Variants in DMC1 observed in about 807,000 individuals in gnomAD.
DMC1 encodes DNA meiotic recombinase 1, also known as meiotic recombination protein DMC1 homolog.
In DMC1, 27 loss-of-function variants were observed where a neutral mutation model predicts 50.1. The observed-to-expected ratio is 0.54, with a 90% CI of 0.40 to 0.74. The LOEUF is 0.74. Ranked by LOEUF, DMC1 falls within the 30% of genes least tolerant of loss-of-function variation. The probability of loss-of-function intolerance (pLI) is 0.00; values close to 1 mark genes in which losing one functional copy is unlikely to be tolerated. For synonymous variants in DMC1, 148 were observed against 136.1 expected, an observed-to-expected ratio of 1.09 and a Z score of -0.61; for missense variants, 295 against 420.2, an observed-to-expected ratio of 0.70 and a Z score of 2.60.
intron 3 of DMC1, 60 bp downstream of exon 3, chr22:38,567,523 A>C (rs1394035949): frequency 7.4e-7 from 1 of 1,353,714 alleles, no homozygotes; most frequent in African/African-American, 1.4e-5. Context: ...AATGTCCATA[A>C]GGTTGATGCT....
At chr22:38,550,978 A>G (rs1173295811) in intron 7 of DMC1, among the ~76,000 whole-genome samples, 1 of 150,986 alleles carries the variant, frequency 6.6e-6, no homozygotes, top group Non-Finnish European at 1.5e-5. Flanking sequence ...AAGAAAAAAG[A>G]AAAAAAAGAA....
At chr22:38,532,601 G>A (rs1855920554) in intron 12 of DMC1, among the ~76,000 whole-genome samples, 1 of 150,952 alleles carries the variant, frequency 6.6e-6, no homozygotes, top group African/African-American at 2.4e-5. Flanking sequence ...TTACAGGAGT[G>A]AGCCACCACA....
chr22:38,517,164 A>G (rs567155961), downstream of DMC1, among the ~76,000 whole-genome samples: 4 of 152,324 alleles, frequency 2.6e-5, no homozygotes, highest in East Asian at 7.7e-4. Context: ...ATGGCTGTAG[A>G]TTAGTTAGTT....
At chr22:38,567,680 T>C in intron 2 of DMC1, 53 bp from the exon 3 acceptor site, 1 of 1,332,588 alleles carries the variant, frequency 7.5e-7, no homozygotes, top group Non-Finnish European at 1.1e-6. Flanking sequence ...TATCCAGCTA[T>C]TTCACATCTT....
At chr22:38,552,847 G>A in intron 6 of DMC1, 140 bp from the exon 7 acceptor site, 1 of 658,796 alleles carries the variant, frequency 1.5e-6, no homozygotes, top group South Asian at 1.8e-5. Context: ...TATCTCGGAT[G>A]TTATTTTTTA....
chr22:38,515,420 T>G (rs2089969868), downstream of DMC1, among the ~76,000 whole-genome samples: 1 of 144,440 alleles, frequency 6.9e-6, no homozygotes, highest in Admixed American at 7.1e-5. Flanking sequence ...GAGGTTGCAA[T>G]GAGCAGAGAT....
In DMC1 at chr22:38,564,619, G is replaced by A. The variant is rs145750276; in HGVS notation, c.243+1971C>T. 2.0e-4 allele frequency among the ~76,000 whole-genome samples: 31 copies of A among 152,154 alleles called. No homozygotes were observed. In the Middle Eastern group the frequency reaches 0.01, roughly 50 times the overall value. ...AGCCACTGCACCTGGCCTGATACCC[G>A]TCTCTTAAAAAATACAAATAAAAAA... On this transcript the variant is annotated intron_variant, in intron 4 of 13. Coordinates refer to ENST00000216024, the MANE Select transcript of DMC1 (RefSeq NM_007068.4).
At chr22:38,539,934 A>C (rs1602736091) in intron 8 of DMC1, among the ~76,000 whole-genome samples, 1 of 152,310 alleles carries the variant, frequency 6.6e-6, no homozygotes, top group East Asian at 1.9e-4. Context: ...TCAATATGAA[A>C]TAGTTTATTA....
chr22:38,562,929 G>A (rs11570387), intron 4 of DMC1, among the ~76,000 whole-genome samples: 1,621 of 151,862 alleles, frequency 0.011, 36 homozygotes, highest in African/African-American at 0.038. Flanking sequence ...CACCATGCCC[G>A]GCTAATTTTT....
At chr22:38,553,286 C>T (rs2090433003) in intron 6 of DMC1, among the ~76,000 whole-genome samples, 3 of 146,690 alleles carry the variant, frequency 2.0e-5, no homozygotes, top group African/African-American at 7.5e-5. Flanking sequence ...ATCACAAGGT[C>T]AGGGGATTGA....
chr22:38,545,609 G>T (rs2090334925), intron 8 of DMC1, among the ~76,000 whole-genome samples: 1 of 152,078 alleles, frequency 6.6e-6, no homozygotes, highest in South Asian at 2.1e-4. Flanking sequence ...TTTTAGTAGA[G>T]ACAGGGTTTC....
In DMC1 at chr22:38,519,985, TA is replaced by T; in HGVS notation, c.*34del. ...GCTTTTCCATTTCTTCAGCTCCTAA[TA>T]AGCACTAAGAAGCAATTTGCATCAA... On this transcript the variant is annotated 3_prime_UTR_variant, in exon 14 of 14. Transcript: ENST00000216024. 6.4e-7 allele frequency: 1 copy of T among 1,557,876 alleles called. No homozygotes were observed. Among genetic ancestry groups the T allele is most frequent in the Non-Finnish European group, 8.9e-7 (1 of 1,129,244 alleles).
chr22:38,535,459 T>C (rs1243365356), intron 12 of DMC1, among the ~76,000 whole-genome samples: 1 of 151,816 alleles, frequency 6.6e-6, no homozygotes, highest in East Asian at 1.9e-4. Flanking sequence ...AGAAAAAATG[T>C]GGCAAATTTA....
At chr22:38,544,556 C>A (rs2090321123) in intron 8 of DMC1, among the ~76,000 whole-genome samples, 1 of 152,126 alleles carries the variant, frequency 6.6e-6, no homozygotes, top group African/African-American at 2.4e-5. Flanking sequence ...GCCCCAACCA[C>A]CTTGGGCACA....
intron 8 of DMC1, among the ~76,000 whole-genome samples, chr22:38,548,763 A>T (rs2090372034): frequency 6.6e-6 from 1 of 152,096 alleles, no homozygotes; most frequent in African/African-American, 2.4e-5. Flanking sequence ...AAACTTAGCT[A>T]CTTGGGAAGC....
intron 4 of DMC1, among the ~76,000 whole-genome samples, chr22:38,563,760 C>T (rs1270379479): frequency 6.6e-6 from 1 of 151,206 alleles, no homozygotes; most frequent in Non-Finnish European, 1.5e-5. Context: ...AGTGCAGTGG[C>T]GCGATCTCAG....
chr22:38,563,286 T>C (rs1423395930), intron 4 of DMC1, among the ~76,000 whole-genome samples: 1 of 152,122 alleles, frequency 6.6e-6, no homozygotes, highest in African/African-American at 2.4e-5. Context: ...CTAGTGAAAA[T>C]GGGCCCCAAT....
intron 1 of DMC1, 195 bp from the exon 2 acceptor site, chr22:38,568,484 T>C: frequency 1.7e-6 from 1 of 576,440 alleles, no homozygotes. Flanking sequence ...CATGTGTGTG[T>C]GTGTCCCCAC....
At chr22:38,543,978 C>A (rs897475708) in intron 8 of DMC1, among the ~76,000 whole-genome samples, 1 of 152,180 alleles carries the variant, frequency 6.6e-6, no homozygotes, top group African/African-American at 2.4e-5. Context: ...AGGAATAAAA[C>A]CCCCTTCCCC....
Sources: gnomAD v4.1 joint callset for allele counts (sites outside exome capture counted in the v4.1 genomes callset) on GRCh38, gnomAD v4.1.1 for gene constraint, MANE v1.5 for transcripts, NCBI Gene and HGNC (gene_info 2026-07-23, HGNC 2026-07-21) for gene names.